ITIH5: variants seen among roughly 807,000 people sequenced by gnomAD.
ITIH5 encodes the protein inter-alpha-trypsin inhibitor heavy chain 5.
In ITIH5, 65 loss-of-function variants were observed where a neutral mutation model predicts 77.5. The observed-to-expected ratio is 0.84, with a 90% CI of 0.69 to 1.03. ITIH5 has a LOEUF of 1.03. Among genes scored for constraint, ITIH5 ranks in the 50% least tolerant of loss-of-function variants. The probability of loss-of-function intolerance (pLI) is 0.00; values close to 1 mark genes in which losing one functional copy is unlikely to be tolerated. For missense variants in ITIH5, 1,208 were observed against 1,213.1 expected, an observed-to-expected ratio of 1.00 and a Z score of 0.06; for synonymous variants, 525 against 494.3, an observed-to-expected ratio of 1.06 and a Z score of -0.82.
rs774769366 is a variant in ITIH5 at position 7,617,264 on chromosome 10, G to A, written c.671C>T (p.Pro224Leu). ...GRGEDDSGPP[P>L]STVINQNETF... ...TTCATTTTGGTTAATGACAGTAGATGGGGGAGGCCCAGAATCATCTGCAAA... is the reference window on the plus strand; with the variant it reads ...TTCATTTTGGTTAATGACAGTAGATAGGGGAGGCCCAGAATCATCTGCAAA... Residue 224 changes from proline (P) to leucine (L), a missense_variant, in exon 6 of 14, where the codon CCA (proline) becomes CTA (leucine). Coordinates refer to ENST00000397146, the MANE Select transcript of ITIH5 (RefSeq NM_030569.7). 2 of 1,581,392 alleles carry A rather than the reference G, an allele frequency of 1.3e-6. No individual in the cohort carries two copies. The highest frequency in any genetic ancestry group is 1.7e-6 in the Non-Finnish European group (2 of 1,165,470).
chr10:7,575,155 G>A (rs1407578871), intron 10 of ITIH5, among the ~76,000 whole-genome samples: 4 of 152,318 alleles, frequency 2.6e-5, no homozygotes, highest in East Asian at 1.9e-4. Flanking sequence ...GTGCCTCCAC[G>A]GAAGGCGTGT....
At chr10:7,624,575 T>C (rs1285085544) in intron 5 of ITIH5, among the ~76,000 whole-genome samples, 1 of 151,426 alleles carries the variant, frequency 6.6e-6, no homozygotes, top group East Asian at 2.0e-4. Flanking sequence ...CCCAGCACTT[T>C]GGGAGGCCAA....
At position 7,562,941 on chromosome 10, in the gene ITIH5, G is replaced by A. The variant is rs112976615; in HGVS notation, c.*142C>T. 4.2e-3 allele frequency: 2,656 copies of A among 634,696 alleles called. 58 individuals are homozygous for A. The African/African-American group carries it at 0.044, about 10-fold the overall frequency. 39.3% of individuals were successfully genotyped at this position (634,696 alleles called of 1,614,324 possible). A position where few individuals can be genotyped will look rare whatever the true frequency, so the allele number is the denominator to read the frequency against. ...CCTACCCTTCGCCCAGACAGACGTC[G>A]GATCTATGCTGCACCAGGGGTGGGT... On this transcript the variant is annotated 3_prime_UTR_variant, in exon 14 of 14. Transcript: ENST00000397146.
chr10:7,601,656 T>G (rs541143327), intron 7 of ITIH5, among the ~76,000 whole-genome samples: 2 of 152,186 alleles, frequency 1.3e-5, no homozygotes, highest in East Asian at 3.9e-4. Context: ...CAGGAATGCA[T>G]GTGAACACCC....
At chr10:7,578,975 T>C (rs1832480332) in intron 9 of ITIH5, among the ~76,000 whole-genome samples, 1 of 152,240 alleles carries the variant, frequency 6.6e-6, no homozygotes, top group South Asian at 2.1e-4. Flanking sequence ...AAAGTATCTT[T>C]TAACTAGTAC....
chr10:7,657,887 A>T (rs1834213206), intron 1 of ITIH5, among the ~76,000 whole-genome samples: 1 of 152,216 alleles, frequency 6.6e-6, no homozygotes, highest in Non-Finnish European at 1.5e-5. Flanking sequence ...CTGCTCCATG[A>T]AGCCCAAGTT....
chr10:7,607,706 C>T (rs1588394879), intron 7 of ITIH5, among the ~76,000 whole-genome samples: 2 of 152,154 alleles, frequency 1.3e-5, no homozygotes, highest in Non-Finnish European at 2.9e-5. Flanking sequence ...CCAGCCTACT[C>T]GGAAGGCTGA....
At chr10:7,618,281 A>G (rs1833408636) in intron 5 of ITIH5, 1 of 148,148 alleles carries the variant, frequency 6.8e-6, no homozygotes, top group Non-Finnish European at 1.5e-5. Flanking sequence ...CGGCTCATTA[A>G]AAAAAAAAAA....
At chr10:7,626,899 G>C (rs1833588261) in intron 5 of ITIH5, among the ~76,000 whole-genome samples, 1 of 152,114 alleles carries the variant, frequency 6.6e-6, no homozygotes. Context: ...AACAACATAA[G>C]TGCTAGACCC....
chr10:7,608,581 C>A (rs115126828), intron 7 of ITIH5, among the ~76,000 whole-genome samples: 2,290 of 152,298 alleles, frequency 0.015, 58 homozygotes, highest in African/African-American at 0.052. Flanking sequence ...CCATACCTGG[C>A]CTGGATCCTC....
intron 7 of ITIH5, among the ~76,000 whole-genome samples, chr10:7,612,932 C>T (rs1054963597): frequency 9.9e-5 from 15 of 152,096 alleles, no homozygotes; most frequent in Non-Finnish European, 8.8e-5. Flanking sequence ...ACTTGGTCAA[C>T]GAATGGCATT....
chr10:7,656,768 C>T lies in ITIH5; in HGVS notation c.91-1093G>A, dbSNP rs578199445. On this transcript the variant is annotated intron_variant, in intron 1 of 13. Coordinates refer to ENST00000397146, the MANE Select transcript of ITIH5 (RefSeq NM_030569.7). Reference sequence around the variant, plus strand: ...TTTCTTTTTTTTTTTTTTTTTGAGACGGTCTCGCTCTGTTGCCCAGGCTGG... The same window carrying T: ...TTTCTTTTTTTTTTTTTTTTTGAGATGGTCTCGCTCTGTTGCCCAGGCTGG... Among the ~76,000 whole-genome samples the T allele has an allele frequency of 1.0e-3, 138 of 135,264 alleles. 1 individual carries two copies. The highest frequency in any genetic ancestry group is 3.0e-3 in the African/African-American group (108 of 36,050). 88.7% of individuals were successfully genotyped at this position (135,264 alleles called of 152,430 possible).
intron 1 of ITIH5, among the ~76,000 whole-genome samples, chr10:7,662,123 C>T (rs956240536): frequency 6.6e-6 from 1 of 152,084 alleles, no homozygotes; most frequent in Non-Finnish European, 1.5e-5. Context: ...TTTGGGAGGT[C>T]AAGGCAGGCC....
chr10:7,613,631 T>A (rs1321008542), intron 7 of ITIH5, among the ~76,000 whole-genome samples: 7 of 152,238 alleles, frequency 4.6e-5, no homozygotes, highest in East Asian at 1.9e-4. Context: ...AATGGGGTTT[T>A]AAAAAAATCT....
At chr10:7,614,875 C>A (rs1833332459) in intron 7 of ITIH5, among the ~76,000 whole-genome samples, 1 of 152,106 alleles carries the variant, frequency 6.6e-6, no homozygotes, top group Admixed American at 6.6e-5. Flanking sequence ...GAGGTGGACG[C>A]AGGTTGGACA....
At chr10:7,615,783 T>G (rs1833351344) in intron 7 of ITIH5, among the ~76,000 whole-genome samples, 199 bp downstream of exon 7, 1 of 152,238 alleles carries the variant, frequency 6.6e-6, no homozygotes, top group Admixed American at 6.5e-5. Context: ...CACGTCCCTC[T>G]GCTCTCTTAA....
intron 8 of ITIH5, among the ~76,000 whole-genome samples, chr10:7,583,159 C>T (rs1832602235): frequency 6.6e-6 from 1 of 152,124 alleles, no homozygotes; most frequent in South Asian, 2.1e-4. Context: ...AAATGTACCG[C>T]ATCTGAGAGA....
intron 1 of ITIH5, among the ~76,000 whole-genome samples, chr10:7,662,412 A>T (rs566843197): frequency 6.6e-6 from 1 of 152,058 alleles, no homozygotes; most frequent in Non-Finnish European, 1.5e-5. Flanking sequence ...AGGGAACTGG[A>T]TGTTTCTTGT....
intron 5 of ITIH5, among the ~76,000 whole-genome samples, chr10:7,636,880 C>T (rs1345250682): frequency 6.6e-6 from 1 of 152,002 alleles, no homozygotes; most frequent in African/African-American, 2.4e-5. Flanking sequence ...GGTGAAACCC[C>T]GTCTCGACTA....
Sources: gnomAD v4.1 joint callset for allele counts (sites outside exome capture counted in the v4.1 genomes callset) on GRCh38, gnomAD v4.1.1 for gene constraint, MANE v1.5 for transcripts, NCBI Gene and HGNC (gene_info 2026-07-23, HGNC 2026-07-21) for gene names.